Variants in ZNF385D observed in about 807,000 individuals in gnomAD.
The protein encoded by ZNF385D is zinc finger protein 659.
A neutral mutation model predicts 35.8 loss-of-function variants in ZNF385D; 15 were observed. The observed-to-expected ratio is 0.42, with a 90% CI of 0.28 to 0.64. The LOEUF (loss-of-function observed/expected upper bound fraction) is 0.64. ZNF385D is among the 30% of genes least tolerant of loss of function. ZNF385D has a pLI of 0.23. For missense variants in ZNF385D, 474 were observed against 494.6 expected (o/e 0.96, Z 0.39); for synonymous variants, 212 against 186.8 (o/e 1.13, Z -1.10).
At chr3:21,714,033 A>C (rs947814839) in intron 1 of ZNF385D, among the ~76,000 whole-genome samples, 8 of 151,908 alleles carry the variant, frequency 5.3e-5, no homozygotes, top group African/African-American at 1.9e-4. Context: ...CACATCCTCA[A>C]CCCTCTAACA....
At chr3:21,774,860 G>A (rs2071222662) in intron 3 of ZNF385D, among the ~76,000 whole-genome samples, 1 of 151,756 alleles carries the variant, frequency 6.6e-6, no homozygotes, top group Non-Finnish European at 1.5e-5. Flanking sequence ...TTTGAAACAG[G>A]GAAATAGAAT....
Position 21,425,529 on chromosome 3 carries a change from C to T in ZNF385D, c.815G>A (p.Cys272Tyr). The change falls in exon 6 of 8, where the codon TGT (cysteine) becomes TAT (tyrosine). Residue 272 changes from cysteine to tyrosine, a missense_variant. Physicochemically the swap from Cys to Tyr is radical, Grantham distance 194 (BLOSUM62 -2). Transcript: ENST00000281523. ...LQNKTFHCEI[C>Y]DVHVNSETQL... ...CGTTTCCGAGTTGACGTGCACATCACAGATTTCACAGTGAAATGTTTTATT... is the reference window on the plus strand; with the variant it reads ...CGTTTCCGAGTTGACGTGCACATCATAGATTTCACAGTGAAATGTTTTATT... The T allele has an allele frequency of 6.2e-7, 1 of 1,610,706 alleles. No homozygotes were observed. The highest frequency in any genetic ancestry group is 8.5e-7 in the Non-Finnish European group (1 of 1,178,408).
At position 21,420,756 on chromosome 3, in the gene ZNF385D, T is replaced by C. The variant is rs1467248840; in HGVS notation, c.*458A>G. The C allele has an allele frequency of 6.3e-6, 1 of 158,626 alleles. No homozygotes were observed. The highest frequency in any genetic ancestry group is 1.4e-5 in the Non-Finnish European group (1 of 71,508). The allele number at this position is 158,626 out of a possible 1,614,324, so 9.8% of individuals were successfully genotyped here. ...AAGAGGACCAGCACGGGTAGTACTA[T>C]TCACAGTGTTGCTTTTGTTTTTGTT... is the stretch of plus-strand genomic sequence containing the variant. On this transcript the variant is annotated 3_prime_UTR_variant, in exon 8 of 8. Transcript: ENST00000281523.
chr3:21,950,314 T>C (rs1016538533), intron 3 of ZNF385D, among the ~76,000 whole-genome samples: 8 of 151,904 alleles, frequency 5.3e-5, no homozygotes, highest in Non-Finnish European at 8.8e-5. Flanking sequence ...CCAGCTATGA[T>C]GAGCTTCTTT....
chr3:21,941,629 C>T (rs965380948), intron 3 of ZNF385D, among the ~76,000 whole-genome samples: 1 of 151,380 alleles, frequency 6.6e-6, no homozygotes, highest in Non-Finnish European at 1.5e-5. Context: ...TCCCGAGTAA[C>T]TGGGACCACA....
At chr3:21,456,770 T>G (rs910432495) in intron 4 of ZNF385D, among the ~76,000 whole-genome samples, 1 of 151,992 alleles carries the variant, frequency 6.6e-6, no homozygotes, top group African/African-American at 2.4e-5. Context: ...AGAGAAACTT[T>G]GAGTTTCCTC....
intron 3 of ZNF385D, among the ~76,000 whole-genome samples, chr3:21,805,684 T>C (rs954594519): frequency 1.3e-5 from 2 of 152,210 alleles, no homozygotes; most frequent in African/African-American, 2.4e-5. Flanking sequence ...CCTGTCCTAA[T>C]TTTCCTCAGA....
chr3:21,933,102 G>A lies in ZNF385D; in HGVS notation c.325+235715C>T, dbSNP rs376567440. Among the ~76,000 whole-genome samples the A allele has an allele frequency of 3.7e-4, 56 of 152,264 alleles. No individual in the cohort carries two copies. In the East Asian group the frequency reaches 5.2e-3, roughly 14 times the overall value. On this transcript the variant is annotated intron_variant, in intron 3 of 5. Coordinates refer to the ZNF385D transcript ENST00000494108. The stretch of plus-strand genomic sequence containing the variant: ...AGCTTCCTGTGCCATTTCCCTGTGT[G>A]GTGATGTTCTCCAGGACTTACAATA...
intron 2 of ZNF385D, among the ~76,000 whole-genome samples, chr3:21,611,060 A>C (rs2125789220): frequency 6.6e-6 from 1 of 152,342 alleles, no homozygotes; most frequent in South Asian, 2.1e-4. Flanking sequence ...ACTTCTTCAA[A>C]GTCAGCAAGG....
chr3:21,922,904 G>T (rs373986851), intron 3 of ZNF385D, among the ~76,000 whole-genome samples: 1 of 152,070 alleles, frequency 6.6e-6, no homozygotes, highest in African/African-American at 2.4e-5. Flanking sequence ...GTCTAATATG[G>T]AATCTATAGG....
intron 1 of ZNF385D, among the ~76,000 whole-genome samples, chr3:21,727,440 T>C (rs2068814396): frequency 6.6e-6 from 1 of 152,100 alleles, no homozygotes; most frequent in Non-Finnish European, 1.5e-5. Flanking sequence ...AAAAGGCTAA[T>C]ATCCAGAATC....
intron 3 of ZNF385D, among the ~76,000 whole-genome samples, chr3:21,766,980 T>C (rs2070856799): frequency 6.6e-6 from 1 of 152,058 alleles, no homozygotes; most frequent in Non-Finnish European, 1.5e-5. Context: ...CCATATTTAG[T>C]GTAGCTATAA....
intron 2 of ZNF385D, among the ~76,000 whole-genome samples, chr3:22,325,832 ATTTT>A (rs147399511): frequency 6.6e-6 from 1 of 151,356 alleles, no homozygotes; most frequent in Non-Finnish European, 1.5e-5. Flanking sequence ...AAAGAATCAC[ATTTT>A]TTTTTCTCTA....
chr3:22,340,442 T>C (rs1695370918), intron 2 of ZNF385D, among the ~76,000 whole-genome samples: 1 of 152,090 alleles, frequency 6.6e-6, no homozygotes, highest in African/African-American at 2.4e-5. Flanking sequence ...GGTCAGGAGT[T>C]TCAGACCAGC....
At chr3:21,636,360 ATGATTATATATATATGAT>A (rs1263763128) in intron 2 of ZNF385D, among the ~76,000 whole-genome samples, 9 of 131,612 alleles carry the variant, frequency 6.8e-5, no homozygotes, top group Admixed American at 1.7e-4. Context: ...ATGATTATAT[ATGATTATATATATATGAT>A]TATATATATA....
intron 3 of ZNF385D, among the ~76,000 whole-genome samples, chr3:21,933,502 G>T (rs1286014702): frequency 2.6e-5 from 4 of 152,136 alleles, no homozygotes; most frequent in African/African-American, 9.7e-5. Flanking sequence ...ATGCTTCATA[G>T]GCTATAATTA....
intron 2 of ZNF385D, among the ~76,000 whole-genome samples, chr3:21,582,423 C>T (rs990914870): frequency 9.2e-5 from 14 of 152,098 alleles, no homozygotes; most frequent in Non-Finnish European, 1.5e-4. Flanking sequence ...ATTTTTAATT[C>T]CCACCAAATT....
chr3:21,619,905 G>A (rs929319595), intron 2 of ZNF385D, among the ~76,000 whole-genome samples: 1 of 152,152 alleles, frequency 6.6e-6, no homozygotes, highest in Non-Finnish European at 1.5e-5. Context: ...ACCTAGTTTG[G>A]TTCTTTGCAT....
intron 3 of ZNF385D, among the ~76,000 whole-genome samples, chr3:22,121,115 T>A (rs1466808142): frequency 2.4e-4 from 36 of 152,214 alleles, no homozygotes; most frequent in Admixed American, 2.4e-3. Context: ...TCTAAAACAA[T>A]GTGTTTTCAT....
Sources: gnomAD v4.1 joint callset for allele counts (sites outside exome capture counted in the v4.1 genomes callset) on GRCh38, gnomAD v4.1.1 for gene constraint, MANE v1.5 for transcripts, NCBI Gene and HGNC (gene_info 2026-07-23, HGNC 2026-07-21) for gene names.